OR5H15: variants seen among roughly 807,000 people sequenced by gnomAD.
OR5H15 encodes olfactory receptor 5H15.
For synonymous variants in OR5H15, 153 were observed against 129.1 expected, an observed-to-expected ratio of 1.19 and a Z score of -1.26; for missense variants, 405 against 366.1, an observed-to-expected ratio of 1.11 and a Z score of -0.87.
chr3:98,168,102 T>C (rs991654911), intron 1 of OR5H15, among the ~76,000 whole-genome samples: 1 of 152,074 alleles, frequency 6.6e-6, no homozygotes, highest in Non-Finnish European at 1.5e-5. Flanking sequence ...ATATTTTTCA[T>C]GAACACTCTG....
chr3:98,169,472 T>G lies in OR5H15; in HGVS notation c.773T>G (p.Met258Arg). The G allele has an allele frequency of 6.2e-7, 1 of 1,612,932 alleles. No individual in the cohort carries two copies. The highest frequency in any genetic ancestry group is 8.5e-7 in the Non-Finnish European group (1 of 1,179,708). ...VCLYYGPLLL[M>R]YVGPASPQAD... is the part of the protein sequence containing the mutation. ...TTATACTATGGCCCCCTTCTCTTAA[T>G]GTATGTGGGCCCTGCATCTCCGCAA... The change falls in exon 2 of 2, where the codon ATG becomes AGG. Residue 258 changes from methionine (M) to arginine (R), a missense_variant. Coordinates refer to ENST00000641450, the MANE Select transcript of OR5H15 (RefSeq NM_001005515.2).
rs774651567 is a variant in OR5H15, at chr3:98,169,208, A to G, written c.509A>G (p.Asn170Ser). 9 of 1,612,546 alleles carry G rather than the reference A, an allele frequency of 5.6e-6. No individual in the cohort carries two copies. The highest frequency in any genetic ancestry group is 6.8e-6 in the Non-Finnish European group (8 of 1,179,086). Residue 170 changes from asparagine (N) to serine (S), a missense_variant, in exon 2 of 2, where the codon AAC (asparagine) becomes AGC (serine). Asn to Ser is a conservative substitution (Grantham distance 46, BLOSUM62 1). Coordinates refer to ENST00000641450, the MANE Select transcript of OR5H15 (RefSeq NM_001005515.2). ...EGFLFRLTFC[N>S]SNIVHHIYCD... ...TTTTTATTCAGACTAACCTTCTGTAACTCCAACATAGTACATCACATTTAC... is the reference window on the plus strand; with the variant it reads ...TTTTTATTCAGACTAACCTTCTGTAGCTCCAACATAGTACATCACATTTAC...
chr3:98,168,716 C>A lies in OR5H15; in HGVS notation c.17C>A (p.Ala6Glu). 5 of 1,612,684 alleles carry A rather than the reference C, an allele frequency of 3.1e-6. No individual in the cohort carries two copies. Residue 6 changes from alanine to glutamate, a missense_variant, in exon 2 of 2, where the codon GCA (alanine) becomes GAA (glutamate). Coordinates refer to ENST00000641450, the MANE Select transcript of OR5H15 (RefSeq NM_001005515.2). MEEEN[A>E]TLLTEFVLTG... ...AGTGAGGACATGGAAGAGGAAAATG[C>A]AACATTGCTGACAGAGTTTGTTCTC...
In OR5H15 at chr3:98,169,528, T is replaced by C. The variant is rs781155570; in HGVS notation, c.829T>C (p.Phe277Leu). ...TGGTCAAAATATGGTGGAGCCTCTA[T>C]TCTACACTGTCATCATTCCTTTGTT... is the stretch of plus-strand genomic sequence containing the variant. ...ADGQNMVEPL[F>L]YTVIIPLLNP... The change falls in exon 2 of 2, where the codon TTC becomes CTC. Residue 277 changes from phenylalanine (F) to leucine (L), a missense_variant. By Grantham distance (22) the Phe-to-Leu change is conservative. Transcript: ENST00000641450. 1.2e-6 allele frequency: 2 copies of C among 1,613,186 alleles called. No homozygotes were observed. Among genetic ancestry groups the C allele is most frequent in the South Asian group, 2.2e-5 (2 of 91,042 alleles).
rs1023143777 is a variant in OR5H15 at position 98,169,283 on chromosome 3, A to G, written c.584A>G (p.Asn195Ser). Reference protein sequence around the residue: ...SKISCTDSSINFLMVFIFSGS... With the variant: ...SKISCTDSSISFLMVFIFSGS... Reference sequence around the variant, plus strand: ...ATTTCTTGTACTGATTCTTCTATTAATTTTCTAATGGTTTTTATTTTCTCA... The same window carrying G: ...ATTTCTTGTACTGATTCTTCTATTAGTTTTCTAATGGTTTTTATTTTCTCA... Residue 195 changes from asparagine (N) to serine (S), a missense_variant, in exon 2 of 2, where the codon AAT (asparagine) becomes AGT (serine). Transcript: ENST00000641450. 6.2e-7 allele frequency: 1 copy of G among 1,609,996 alleles called. No homozygotes were observed. Among genetic ancestry groups the G allele is most frequent in the Non-Finnish European group, 8.5e-7 (1 of 1,177,402 alleles).
chr3:98,167,661 A>G (rs1288926104), intron 1 of OR5H15, among the ~76,000 whole-genome samples: 1 of 151,818 alleles, frequency 6.6e-6, no homozygotes, highest in South Asian at 2.1e-4. Flanking sequence ...TTTCTTCATT[A>G]CTCTCCAATG....
intron 1 of OR5H15, among the ~76,000 whole-genome samples, chr3:98,167,381 C>G (rs5003613): frequency 2.4e-5 from 2 of 81,636 alleles, no homozygotes; most frequent in Non-Finnish European, 5.4e-5. Context: ...CTGTACTTCT[C>G]TCTCTCTCTC....
At chr3:98,167,311 C>T (rs985228494) in intron 1 of OR5H15, among the ~76,000 whole-genome samples, 3 of 151,972 alleles carry the variant, frequency 2.0e-5, no homozygotes, top group Admixed American at 2.0e-4. Flanking sequence ...ATAAAGGTTG[C>T]ATTAAGTAGA....
rs1472686989 is a variant in OR5H15 at position 98,168,891 on chromosome 3, G to A, written c.192G>A (p.Gly64=). The change falls in exon 2 of 2, where the codon GGG becomes GGA. Residue 64 remains glycine (G), a synonymous_variant. Transcript: ENST00000641450. The part of the protein sequence containing the change: ...HLHIPMYLLL[G]NLAFVDAWIS... ...ATATCCCAATGTACTTACTCCTTGGGAATTTAGCTTTTGTGGATGCTTGGA... is the reference window on the plus strand; with the variant it reads ...ATATCCCAATGTACTTACTCCTTGGAAATTTAGCTTTTGTGGATGCTTGGA... The A allele has an allele frequency of 1.2e-6, 2 of 1,613,362 alleles. No individual in the cohort carries two copies. The highest frequency in any genetic ancestry group is 4.5e-5 in the East Asian group (2 of 44,836).
Position 98,169,533 on chromosome 3 carries a change from C to T in OR5H15, c.834C>T (p.Tyr278=), listed in dbSNP as rs1708778376. The T allele has an allele frequency of 6.2e-7, 1 of 1,612,762 alleles. No individual in the cohort carries two copies. Among genetic ancestry groups the T allele is most frequent in the African/African-American group, 1.3e-5 (1 of 74,866 alleles). ...AAAATATGGTGGAGCCTCTATTCTA[C>T]ACTGTCATCATTCCTTTGTTAAATC... ...DGQNMVEPLF[Y]TVIIPLLNPI... is the part of the protein sequence containing the mutation. Residue 278 remains tyrosine (Y), a synonymous_variant, in exon 2 of 2, where the codon TAC becomes TAT. Coordinates refer to ENST00000641450, the MANE Select transcript of OR5H15 (RefSeq NM_001005515.2).
chr3:98,169,129 C>G lies in OR5H15; in HGVS notation c.430C>G (p.Leu144Val), dbSNP rs375248649. 53 of 1,613,440 alleles carry G rather than the reference C, an allele frequency of 3.3e-5. No homozygotes were observed. Among genetic ancestry groups the G allele is most frequent in the Non-Finnish European group, 4.3e-5 (51 of 1,179,652 alleles). The stretch of plus-strand genomic sequence containing the variant: ...TATGACCAATGGACTGTGCATCCGG[C>G]TATTAATCTTGTCATATATAGCTGG... ...AIMTNGLCIR[L>V]LILSYIAGIL... Residue 144 changes from leucine to valine, a missense_variant, in exon 2 of 2, where the codon CTA becomes GTA. Transcript: ENST00000641450.
intron 1 of OR5H15, among the ~76,000 whole-genome samples, chr3:98,167,889 T>C (rs1372375876): frequency 1.3e-5 from 2 of 152,082 alleles, no homozygotes; most frequent in South Asian, 4.1e-4. Flanking sequence ...ACTTACTTCC[T>C]ACAAAATATG....
chr3:98,168,054 A>G (rs1241804571), intron 1 of OR5H15, among the ~76,000 whole-genome samples: 2 of 152,048 alleles, frequency 1.3e-5, no homozygotes, highest in Non-Finnish European at 2.9e-5. Context: ...CCTAGACCTC[A>G]TTCCTGAAAT....
rs756367013 is a variant in OR5H15 at position 98,169,454 on chromosome 3, A to G, written c.755A>G (p.Tyr252Cys). The change falls in exon 2 of 2, where the codon TAT (tyrosine) becomes TGT (cysteine). Residue 252 changes from tyrosine (Y) to cysteine (C), a missense_variant. By Grantham distance (194) the Tyr-to-Cys change is radical. Transcript: ENST00000641450. Reference sequence around the variant, plus strand: ...CATCTCTTCTCTGTCTGTTTATACTATGGCCCCCTTCTCTTAATGTATGTG... The same window carrying G: ...CATCTCTTCTCTGTCTGTTTATACTGTGGCCCCCTTCTCTTAATGTATGTG... ...GAHLFSVCLY[Y>C]GPLLLMYVGP... 3.1e-6 allele frequency: 5 copies of G among 1,613,452 alleles called. No homozygotes were observed. The highest frequency in any genetic ancestry group is 4.2e-6 in the Non-Finnish European group (5 of 1,179,712).
At chr3:98,168,487 A>G (rs183605190) in intron 1 of OR5H15, among the ~76,000 whole-genome samples, 195 bp from the exon 2 acceptor site, 68 of 152,198 alleles carry the variant, frequency 4.5e-4, no homozygotes, top group Non-Finnish European at 6.5e-4. Context: ...TCAGTTAATT[A>G]CTGCACAGTT....
rs1335119959 is a variant in OR5H15 at position 98,169,007 on chromosome 3, C to T, written c.308C>T (p.Ser103Phe). 2 of 1,613,528 alleles carry T rather than the reference C, an allele frequency of 1.2e-6. No individual in the cohort carries two copies. Among genetic ancestry groups the T allele is most frequent in the African/African-American group, 2.7e-5 (2 of 74,890 alleles). ...SLSECKIQFF[S>F]IAIGVTTECF... ...TCTGAATGCAAGATACAATTTTTTT[C>T]CATTGCAATTGGCGTAACCACAGAA... is the stretch of plus-strand genomic sequence containing the variant. The change falls in exon 2 of 2, where the codon TCC becomes TTC. Residue 103 changes from serine (S) to phenylalanine (F), a missense_variant. Coordinates refer to ENST00000641450, the MANE Select transcript of OR5H15 (RefSeq NM_001005515.2).
chr3:98,167,839 C>T (rs967449398), intron 1 of OR5H15, among the ~76,000 whole-genome samples: 2 of 152,094 alleles, frequency 1.3e-5, no homozygotes, highest in African/African-American at 4.8e-5. Context: ...TAATGTCCAT[C>T]TTGCCAGTCA....
intron 1 of OR5H15, among the ~76,000 whole-genome samples, chr3:98,167,895 A>G (rs879672359): frequency 2.8e-4 from 42 of 152,072 alleles, no homozygotes; most frequent in Non-Finnish European, 5.4e-4. Context: ...TTCCTACAAA[A>G]TATGTCACAG....
In OR5H15 at chr3:98,169,363, C is replaced by T; in HGVS notation, c.664C>T (p.Leu222Phe). 6.2e-7 allele frequency: 1 copy of T among 1,613,156 alleles called. No homozygotes were observed. The highest frequency in any genetic ancestry group is 8.5e-7 in the Non-Finnish European group (1 of 1,179,454). The part of the protein sequence containing the change: ...VTILISYTFV[L>F]FTVLEKKSDK... ...TATTCTTATATCTTACACATTTGTTCTCTTCACAGTCTTAGAAAAGAAATC... is the reference window on the plus strand; with the variant it reads ...TATTCTTATATCTTACACATTTGTTTTCTTCACAGTCTTAGAAAAGAAATC... Residue 222 changes from leucine to phenylalanine, a missense_variant, in exon 2 of 2, where the codon CTC becomes TTC. Transcript: ENST00000641450.
Sources: allele counts gnomAD v4.1 joint callset (sites outside exome capture counted in the v4.1 genomes callset), GRCh38; gene constraint gnomAD v4.1.1; transcripts MANE v1.5; gene names NCBI Gene and HGNC (gene_info 2026-07-23, HGNC 2026-07-21).